DCTN1: variants seen among roughly 807,000 people sequenced by gnomAD.
DCTN1 encodes the protein 150 kDa dynein-associated polypeptide.
In DCTN1, 61 loss-of-function variants were observed where a neutral mutation model predicts 161.2. The observed-to-expected ratio is 0.38, with a 90% CI of 0.31 to 0.47. The LOEUF (loss-of-function observed/expected upper bound fraction) is 0.47, where lower values mean the gene tolerates loss of function less well. DCTN1 is among the 20% of genes least tolerant of loss of function. The pLI, the probability that DCTN1 is intolerant of heterozygous loss-of-function variation, is 0.99. For missense variants in DCTN1, 1,404 were observed against 1,623.7 expected, an observed-to-expected ratio of 0.86 and a Z score of 2.33; for synonymous variants, 653 against 632.4, an observed-to-expected ratio of 1.03 and a Z score of -0.49.
intron 1 of DCTN1, among the ~76,000 whole-genome samples, chr2:74,386,095 T>C (rs1675716754): frequency 6.6e-6 from 1 of 152,132 alleles, no homozygotes; most frequent in Non-Finnish European, 1.5e-5. Context: ...AGTTTCCCTA[T>C]GTAGTTGTCA....
intron 8 of DCTN1, 114 bp downstream of exon 8, chr2:74,371,423 C>T (rs985017440): frequency 7.7e-7 from 1 of 1,292,898 alleles, no homozygotes; most frequent in Non-Finnish European, 1.1e-6. Flanking sequence ...TGTCCTCACC[C>T]TTTCTGATCC....
chr2:74,378,135 T>C lies in DCTN1; in HGVS notation c.144A>G (p.Gly48=). Reference sequence around the variant, plus strand: ...ATTTGCCAGTGGCAAACAGTGTGGCTCCAACATAGGCCACAGTGCCTCGGT... The same window carrying C: ...ATTTGCCAGTGGCAAACAGTGTGGCCCCAACATAGGCCACAGTGCCTCGGT... ...KGHRGTVAYV[G]ATLFATGKWV... is the part of the protein sequence containing the mutation. The change falls in exon 2 of 32, where the codon GGA becomes GGG. Residue 48 remains glycine (G), a synonymous_variant. Transcript: ENST00000628224. The C allele has an allele frequency of 6.2e-7, 1 of 1,614,236 alleles. No homozygotes were observed. Among genetic ancestry groups the C allele is most frequent in the East Asian group, 2.2e-5 (1 of 44,890 alleles).
chr2:74,381,482 C>T (rs1675507565), upstream of DCTN1, among the ~76,000 whole-genome samples: 1 of 152,160 alleles, frequency 6.6e-6, no homozygotes, highest in Non-Finnish European at 1.5e-5. Flanking sequence ...CTGGCCAGAC[C>T]CCCTAGGAAA....
rs1330335746 is a variant in DCTN1 at position 74,374,810 on chromosome 2, T to A, written c.415-470A>T. The A allele has an allele frequency of 3.1e-6, 3 of 966,812 alleles. No individual in the cohort carries two copies. The African/African-American group carries it at 5.2e-5, about 17-fold the overall frequency. 59.9% of individuals were successfully genotyped at this position (966,812 alleles called of 1,614,324 possible). On this transcript the variant is annotated intron_variant, in intron 5 of 31. Coordinates refer to ENST00000628224, the MANE Select transcript of DCTN1 (RefSeq NM_004082.5). ...TCATGACAGTCATGCGCAGAGCTTG[T>A]CCTGCTTCTTTCTCCAAAGAACAGG...
At chr2:74,362,203 C>CA in intron 30 of DCTN1, 62 bp from the exon 31 acceptor site, 1 of 1,501,474 alleles carries the variant, frequency 6.7e-7, no homozygotes, top group Admixed American at 1.7e-5. Flanking sequence ...TAGCACAAGA[C>CA]CACGTGGTTT....
rs988542277 is a variant in DCTN1 at position 74,369,427 on chromosome 2, C to T, written c.1457G>A (p.Arg486Gln). Reference sequence around the variant, plus strand: ...CGCGCCTGCCATGTCCAGCTGCTCCCGCAGCTCCAGTTCTGTCTCACGTGC... The same window carrying T: ...CGCGCCTGCCATGTCCAGCTGCTCCTGCAGCTCCAGTTCTGTCTCACGTGC... ...ENARETELELREQLDMAGARV... is the reference protein window; with the variant it reads ...ENARETELELQEQLDMAGARV... The change falls in exon 14 of 32, where the codon CGG (arginine) becomes CAG (glutamine). Residue 486 changes from arginine to glutamine, a missense_variant. By Grantham distance (43) the Arg-to-Gln change is conservative (BLOSUM62 1). Around this residue, in one of 9 missense-constraint regions of DCTN1, gnomAD observed 278 missense variants for 363.8 expected, o/e 0.76. Coordinates refer to ENST00000628224, the MANE Select transcript of DCTN1 (RefSeq NM_004082.5). The surrounding 1 kb of genome is among the most constrained non-coding windows in gnomAD (Gnocchi z 4.9). 1.9e-6 allele frequency: 3 copies of T among 1,614,188 alleles called. No individual in the cohort carries two copies. Among genetic ancestry groups the T allele is most frequent in the Non-Finnish European group, 2.5e-6 (3 of 1,180,034 alleles).
At chr2:74,366,083 T>C (rs2104412677) in intron 23 of DCTN1, 65 bp from the exon 24 acceptor site, 2 of 1,613,292 alleles carry the variant, frequency 1.2e-6, no homozygotes, top group South Asian at 1.1e-5. Flanking sequence ...ACTGTGCTCC[T>C]TACAGAGAGA....
chr2:74,364,967 G>C (rs1375896356), intron 26 of DCTN1, 108 bp downstream of exon 26: 3 of 1,388,742 alleles, frequency 2.2e-6, no homozygotes. Flanking sequence ...CATGTTCCTG[G>C]CTGAATACCC....
In DCTN1 at chr2:74,363,153, C is replaced by A; in HGVS notation, c.3370G>T (p.Ala1124Ser). Residue 1124 changes from alanine (A) to serine (S), a missense_variant, in exon 29 of 32, where the codon GCA (alanine) becomes TCA (serine). This residue lies in a region of DCTN1 where 311 missense variants were observed against 298.9 expected (regional missense o/e 1.04). Transcript: ENST00000628224. ...GCAACATGCAGAGGGGGCAGGGATG[C>A]CAAGGATGCCTTCATCTGGGCTCCC... ...LKGAQMKASL[A>S]SLPPLHVAKL... is the part of the protein sequence containing the mutation. 6.2e-7 allele frequency: 1 copy of A among 1,614,094 alleles called. No homozygotes were observed. The highest frequency in any genetic ancestry group is 8.5e-7 in the Non-Finnish European group (1 of 1,179,992).
chr2:74,371,774 G>A, intron 7 of DCTN1, 46 bp from the exon 8 acceptor site: 1 of 1,492,568 alleles, frequency 6.7e-7, no homozygotes, highest in Non-Finnish European at 9.2e-7. Flanking sequence ...GCAGAGGATA[G>A]GGGTAGTAAG....
rs753342832 is a variant in DCTN1 at position 74,366,292 on chromosome 2, G to A, written c.2712C>T (p.Ala904=). Residue 904 remains alanine (A), a synonymous_variant, in exon 23 of 32, where the codon GCC becomes GCT. Transcript: ENST00000628224. The part of the protein sequence containing the change: ...NILISTMNKL[A]TAMQEGEYDA... ...CATACTCCCCCTCCTGCATGGCTGT[G>A]GCCAGCTTGTTCATGGTACTGATGA... 1 of 1,614,204 alleles carries A rather than the reference G, an allele frequency of 6.2e-7. No individual in the cohort carries two copies. Among genetic ancestry groups the A allele is most frequent in the South Asian group, 1.1e-5 (1 of 91,092 alleles).
chr2:74,379,311 A>G (rs949053867), intron 1 of DCTN1, among the ~76,000 whole-genome samples: 10 of 152,210 alleles, frequency 6.6e-5, no homozygotes, highest in African/African-American at 2.4e-4. Context: ...ACTCTATGGG[A>G]GACCCTTCTG....
chr2:74,376,280 T>C (rs1675219037), intron 5 of DCTN1, among the ~76,000 whole-genome samples: 1 of 152,100 alleles, frequency 6.6e-6, no homozygotes, highest in African/African-American at 2.4e-5. Context: ...GCTCTTAGGT[T>C]TTCCAACTTG....
chr2:74,362,010 C>T, intron 31 of DCTN1, 42 bp downstream of exon 31: 1 of 1,599,122 alleles, frequency 6.3e-7, no homozygotes, highest in Non-Finnish European at 8.6e-7. Flanking sequence ...CCCGCCTGAG[C>T]TCTCCACACT....
At position 74,372,741 on chromosome 2, in the gene DCTN1, A is replaced by C. The variant is rs1324520042; in HGVS notation, c.453+187T>G. ...GCTACTGGCTTAGACAACCTCCTAA[A>C]AGCCAAAAGCCATTTTCCCCAGGAG... On this transcript the variant is annotated intron_variant, in intron 7 of 31. Transcript: ENST00000628224. Among the ~76,000 whole-genome samples, 5 of 152,158 alleles carry C rather than the reference A, an allele frequency of 3.3e-5. No homozygotes were observed. In the East Asian group the frequency reaches 9.6e-4, roughly 29 times the overall value.
At chr2:74,367,904 C>T (rs751807274) in intron 17 of DCTN1, 40 bp from the exon 18 acceptor site, 1 of 1,614,056 alleles carries the variant, frequency 6.2e-7, no homozygotes, top group African/African-American at 1.3e-5. Flanking sequence ...TAGAGTCTGC[C>T]AGGCAATCTC....
At chr2:74,367,176 G>T (rs1179150350) in intron 19 of DCTN1, 69 bp from the exon 20 acceptor site, 1 of 1,593,090 alleles carries the variant, frequency 6.3e-7, no homozygotes, top group African/African-American at 1.3e-5. Context: ...ACATCTCTAA[G>T]AAGTCCCCAT....
At chr2:74,371,814 C>T in intron 7 of DCTN1, 86 bp from the exon 8 acceptor site, 1 of 1,101,476 alleles carries the variant, frequency 9.1e-7, no homozygotes, top group African/African-American at 1.5e-5. Context: ...GAGAATATGG[C>T]AAGGGAAGGA....
intron 6 of DCTN1, 127 bp downstream of exon 6, chr2:74,374,196 T>G: frequency 1.0e-6 from 1 of 991,678 alleles, no homozygotes; most frequent in East Asian, 2.5e-5. Context: ...CTAACCCACC[T>G]TCGTCCTCAC....
Sources: gnomAD v4.1 joint callset for allele counts (sites outside exome capture counted in the v4.1 genomes callset) on GRCh38, gnomAD v4.1.1 for gene constraint, gnomAD v4.1.1 regional missense constraint, Gnocchi (gnomAD v3.1) non-coding constraint, MANE v1.5 for transcripts, NCBI Gene and HGNC (gene_info 2026-07-23, HGNC 2026-07-21) for gene names.